The following TENM2 variants were observed in gnomAD, a reference collection of about 807,000 sequenced individuals.
TENM2 encodes teneurin transmembrane protein 2, also known as teneurin-2.
In TENM2, 52 loss-of-function variants were observed where a neutral mutation model predicts 245.2. That is an observed-to-expected ratio of 0.21 (90% CI 0.17 to 0.27). TENM2 has a LOEUF of 0.27. TENM2 is among the 10% of genes least tolerant of loss of function. The pLI is 1.00. For synonymous variants in TENM2, 1,363 were observed against 1,438.9 expected (o/e 0.95, Z 1.19); for missense variants, 3,046 against 3,666.8 (o/e 0.83, Z 4.37).
intron 2 of TENM2, among the ~76,000 whole-genome samples, chr5:167,718,398 C>T (rs1759408363): frequency 6.6e-6 from 1 of 152,032 alleles, no homozygotes; most frequent in Admixed American, 6.6e-5. Context: ...TTCCCTGTAG[C>T]TCAGTGTCTG....
chr5:168,258,102 A>T (rs1767842774), intron 27 of TENM2, among the ~76,000 whole-genome samples: 1 of 152,170 alleles, frequency 6.6e-6, no homozygotes, highest in Non-Finnish European at 1.5e-5. Flanking sequence ...TAGCTGCATG[A>T]CCCGGCAATT....
intron 2 of TENM2, among the ~76,000 whole-genome samples, chr5:167,693,329 T>C (rs779840794): frequency 3.3e-4 from 50 of 152,256 alleles, no homozygotes; most frequent in Non-Finnish European, 5.9e-4. Flanking sequence ...TAATGGAACT[T>C]TAATATGTTA....
chr5:167,646,111 CATAT>C (rs1287370756), intron 2 of TENM2, among the ~76,000 whole-genome samples: 1 of 146,336 alleles, frequency 6.8e-6, no homozygotes, highest in African/African-American at 2.5e-5. Context: ...TACACACACA[CATAT>C]ATATGTGCAT....
At chr5:167,326,949 T>C (rs1483885464) in intron 1 of TENM2, among the ~76,000 whole-genome samples, 2 of 152,050 alleles carry the variant, frequency 1.3e-5, no homozygotes, top group Non-Finnish European at 2.9e-5. Context: ...ACAATTTTAA[T>C]GAAATAAATT....
chr5:167,351,629 G>A (rs957777538), intron 1 of TENM2, among the ~76,000 whole-genome samples: 1 of 152,144 alleles, frequency 6.6e-6, no homozygotes, highest in African/African-American at 2.4e-5. Context: ...GATGAAAACC[G>A]GAAGCTGAAT....
chr5:167,255,944 A>T, the TENM2 span, among the ~76,000 whole-genome samples: 1 of 152,052 alleles, frequency 6.6e-6, no homozygotes, highest in African/African-American at 2.4e-5. Context: ...GGAAGTCAGG[A>T]TTATTAAAGA....
intron 2 of TENM2, among the ~76,000 whole-genome samples, chr5:167,561,891 A>T (rs1170977371): frequency 1.3e-5 from 2 of 152,216 alleles, no homozygotes; most frequent in East Asian, 3.8e-4. Context: ...GAACCGTAAA[A>T]ATAAAAAGAG....
intron 2 of TENM2, among the ~76,000 whole-genome samples, chr5:167,437,040 A>G (rs1263824198): frequency 6.6e-6 from 1 of 152,166 alleles, no homozygotes; most frequent in African/African-American, 2.4e-5. Context: ...GGCACCGCCT[A>G]GTGCAGCTGT....
chr5:167,836,765 A>G (rs924529923), intron 2 of TENM2, among the ~76,000 whole-genome samples: 1 of 150,378 alleles, frequency 6.6e-6, no homozygotes, highest in Non-Finnish European at 1.5e-5. Context: ...TTATCTCAAT[A>G]TATGTGTGTA....
intron 2 of TENM2, among the ~76,000 whole-genome samples, chr5:167,398,088 A>T (rs965147124): frequency 6.6e-6 from 1 of 152,144 alleles, no homozygotes. Flanking sequence ...TCTGCGACTA[A>T]CTAGCTATAT....
chr5:168,041,138 A>G (rs1788150739), intron 5 of TENM2, among the ~76,000 whole-genome samples: 2 of 152,318 alleles, frequency 1.3e-5, no homozygotes, highest in African/African-American at 4.8e-5. Context: ...TGGAGTCTCT[A>G]GGAGGACAGT....
chr5:167,121,380 T>C, the TENM2 span, among the ~76,000 whole-genome samples: 2 of 152,084 alleles, frequency 1.3e-5, no homozygotes, highest in Admixed American at 6.6e-5. Flanking sequence ...TGAACTTGAA[T>C]GAGAAGAAAG....
rs577549812 is a variant in TENM2, at chr5:168,262,432, G to C, written c.7947G>C (p.Val2649=). 10 of 1,577,098 alleles carry C rather than the reference G, an allele frequency of 6.3e-6. No homozygotes were observed. In the East Asian group the frequency reaches 1.9e-4, roughly 30 times the overall value. Residue 2649 remains valine, a synonymous_variant, in exon 29 of 29, where the codon GTG becomes GTC. Transcript: ENST00000518659. ...AGGTGCTAGAGAGCGGGGTGAACGT[G>C]ACCGTGTCCCAGCCCACGCTGCTGG... is the stretch of plus-strand genomic sequence containing the variant.
intron 4 of TENM2, among the ~76,000 whole-genome samples, chr5:167,966,001 G>A (rs1442122054): frequency 6.6e-6 from 1 of 152,164 alleles, no homozygotes; most frequent in Non-Finnish European, 1.5e-5. Flanking sequence ...ATTACAAGTG[G>A]CATAAGGCGA....
intron 11 of TENM2, among the ~76,000 whole-genome samples, chr5:168,126,327 G>C (rs1431345606): frequency 6.6e-6 from 1 of 152,146 alleles, no homozygotes; most frequent in Non-Finnish European, 1.5e-5. Context: ...GATCTTTTCA[G>C]GTGGGTACTT....
chr5:168,174,663 C>A (rs559713708), intron 13 of TENM2, among the ~76,000 whole-genome samples: 1 of 152,186 alleles, frequency 6.6e-6, no homozygotes, highest in African/African-American at 2.4e-5. Context: ...AGCTCAAGTG[C>A]TGGCAGAGGG....
At chr5:167,949,761 T>G (rs1779931995) in intron 3 of TENM2, among the ~76,000 whole-genome samples, 1 of 152,184 alleles carries the variant, frequency 6.6e-6, no homozygotes, top group African/African-American at 2.4e-5. Context: ...TAAATGCCCC[T>G]CCTAGATGTT....
chr5:167,112,805 G>C, the TENM2 span, among the ~76,000 whole-genome samples: 22 of 152,124 alleles, frequency 1.4e-4, no homozygotes, highest in Admixed American at 1.1e-3. Context: ...CTTTCCTAAC[G>C]GAATATTGGA....
chr5:167,938,487 G>A (rs1778910201), intron 3 of TENM2: 1 of 152,194 alleles, frequency 6.6e-6, no homozygotes, highest in African/African-American at 2.4e-5. Context: ...AAAACCACAA[G>A]GGAACAAAAG....
Sources: allele counts gnomAD v4.1 joint callset (sites outside exome capture counted in the v4.1 genomes callset), GRCh38; gene constraint gnomAD v4.1.1; transcripts MANE v1.5; gene names NCBI Gene and HGNC (gene_info 2026-07-23, HGNC 2026-07-21).